PCDH9: variants seen among roughly 807,000 people sequenced by gnomAD.
The protein encoded by PCDH9 is protocadherin 9.
PCDH9 carries 24 observed loss-of-function variants against 70.6 expected under a neutral mutation model. The ratio of observed to expected loss-of-function variants is 0.34; its 90% CI spans 0.25 to 0.48. The LOEUF (loss-of-function observed/expected upper bound fraction) is 0.48, where lower values mean the gene tolerates loss of function less well. PCDH9 is among the 20% of genes least tolerant of loss of function. The probability of loss-of-function intolerance (pLI) is 0.99; values close to 1 mark genes in which losing one functional copy is unlikely to be tolerated. For missense variants in PCDH9, 1,281 were observed against 1,503.6 expected (o/e 0.85, Z 2.45); for synonymous variants, 562 against 558.5 (o/e 1.01, Z -0.09).
chr13:66,974,435 C>A (rs2083579863), intron 2 of PCDH9, among the ~76,000 whole-genome samples: 1 of 151,908 alleles, frequency 6.6e-6, no homozygotes, highest in African/African-American at 2.4e-5. Context: ...CAACTATAGT[C>A]TTGGAATGAG....
intron 3 of PCDH9, among the ~76,000 whole-genome samples, chr13:66,764,698 T>C (rs1263341080): frequency 6.6e-6 from 1 of 151,994 alleles, no homozygotes; most frequent in Non-Finnish European, 1.5e-5. Context: ...TTCAGCGTTA[T>C]ACAAATTAAG....
intron 4 of PCDH9, among the ~76,000 whole-genome samples, chr13:66,466,423 A>G (rs1286479556): frequency 1.3e-5 from 2 of 152,060 alleles, no homozygotes; most frequent in African/African-American, 4.8e-5. Context: ...AAGCCAGTCC[A>G]TAGGGAGAAT....
intron 2 of PCDH9, among the ~76,000 whole-genome samples, chr13:67,012,075 C>T (rs1007350080): frequency 4.0e-5 from 6 of 151,862 alleles, no homozygotes; most frequent in Non-Finnish European, 8.8e-5. Context: ...TCACTTGCTT[C>T]CTGCCTTCCT....
intron 2 of PCDH9, among the ~76,000 whole-genome samples, chr13:67,018,648 C>A (rs1033772236): frequency 1.6e-4 from 23 of 146,386 alleles, no homozygotes; most frequent in African/African-American, 5.5e-4. Context: ...AAAAAAGATA[C>A]AAGGGATAGC....
intron 4 of PCDH9, among the ~76,000 whole-genome samples, chr13:66,400,833 A>T (rs1957171967): frequency 1.3e-5 from 2 of 152,180 alleles, no homozygotes. Context: ...TAAGGAAAAA[A>T]AATAGTCTAG....
At chr13:66,822,136 G>GCA (rs10701113) in intron 3 of PCDH9, among the ~76,000 whole-genome samples, 78,431 of 149,048 alleles carry the variant, frequency 0.53, 20,782 homozygotes, top group East Asian at 0.63. Context: ...TCACACACGC[G>GCA]CACACACACA....
chr13:66,437,717 T>C (rs921234057), intron 4 of PCDH9, among the ~76,000 whole-genome samples: 3 of 152,156 alleles, frequency 2.0e-5, no homozygotes, highest in Non-Finnish European at 2.9e-5. Context: ...ATAGCTACTT[T>C]GGAATTCTGC....
Position 66,507,526 on chromosome 13 carries a change from A to AT in PCDH9, c.3340+123683dup, listed in dbSNP as rs1287356906. Among the ~76,000 whole-genome samples the AT allele has an allele frequency of 1.3e-5, 2 of 151,808 alleles. 1 individual carries two copies. The highest frequency in any genetic ancestry group is 1.3e-4 in the Admixed American group (2 of 15,238). On this transcript the variant is annotated intron_variant, in intron 4 of 4. Transcript: ENST00000377865. ...GTTTGTAGCTGTTGTTTATTGTTTG[A>AT]TTTTTTTGTATGTGTCATGTTTTAG...
Position 67,183,074 on chromosome 13 carries a change from C to A in PCDH9, c.3036+42331G>T, listed in dbSNP as rs73509502. 1.0e-2 allele frequency among the ~76,000 whole-genome samples: 1,522 copies of A among 152,206 alleles called. 28 individuals carry two copies. The highest frequency in any genetic ancestry group is 0.036 in the African/African-American group (1,480 of 41,520). Reference sequence around the variant, plus strand: ...CTATGACTGTTACTACTACTATAGACATTATCAATGATAATAAAATAATCA... The same window carrying A: ...CTATGACTGTTACTACTACTATAGAAATTATCAATGATAATAAAATAATCA... On this transcript the variant is annotated intron_variant, in intron 2 of 4. Transcript: ENST00000377865.
In PCDH9 at chr13:67,227,791, G is replaced by A. The variant is rs939930273; in HGVS notation, c.650C>T (p.Thr217Ile). ...CTCTACTTTGATTTTCATCACATAG[G>A]TATCTTTCTGTTCTCTATCCAAGTT... ...QQNLDREQKD[T>I]YVMKIKVEDG... The change falls in exon 2 of 5, where the codon ACC becomes ATC. Residue 217 changes from threonine to isoleucine, a missense_variant. By Grantham distance (89) the Thr-to-Ile change is moderately conservative. Coordinates refer to ENST00000377865, the MANE Select transcript of PCDH9 (RefSeq NM_203487.3). This position sits in a 1 kb window ranked among gnomAD's most constrained non-coding sequence, Gnocchi z 4.6. 3 of 1,613,488 alleles carry A rather than the reference G, an allele frequency of 1.9e-6. No homozygotes were observed. The highest frequency in any genetic ancestry group is 1.3e-5 in the African/African-American group (1 of 74,876).
At chr13:66,929,561 T>C (rs2082773017) in intron 2 of PCDH9, among the ~76,000 whole-genome samples, 1 of 152,142 alleles carries the variant, frequency 6.6e-6, no homozygotes, top group Non-Finnish European at 1.5e-5. Context: ...AGACCTCAGG[T>C]GATCCACCTG....
At chr13:66,608,748 A>G (rs1002947212) in intron 4 of PCDH9, among the ~76,000 whole-genome samples, 1 of 152,084 alleles carries the variant, frequency 6.6e-6, no homozygotes, top group African/African-American at 2.4e-5. Flanking sequence ...CCGTATCACC[A>G]CAGGACGAAA....
chr13:67,124,275 A>C (rs2086933111), intron 2 of PCDH9, among the ~76,000 whole-genome samples: 1 of 152,172 alleles, frequency 6.6e-6, no homozygotes, highest in East Asian at 1.9e-4. Context: ...AATAAATAAA[A>C]AGATGAAAAC....
chr13:66,960,422 A>G (rs2083327897), intron 2 of PCDH9, among the ~76,000 whole-genome samples: 1 of 152,146 alleles, frequency 6.6e-6, no homozygotes, highest in Non-Finnish European at 1.5e-5. Context: ...TCATTCAGTA[A>G]TTTTGAAAAC....
intron 2 of PCDH9, among the ~76,000 whole-genome samples, chr13:66,986,984 C>G (rs1198816255): frequency 6.6e-6 from 1 of 151,688 alleles, no homozygotes; most frequent in Non-Finnish European, 1.5e-5. Flanking sequence ...ACCTATATCA[C>G]AGATAGAAAA....
chr13:67,184,558 G>A (rs778221083), intron 2 of PCDH9, among the ~76,000 whole-genome samples: 20 of 152,152 alleles, frequency 1.3e-4, no homozygotes, highest in Middle Eastern at 3.4e-3. Flanking sequence ...GTGAAACCCC[G>A]TCTCTATAAA....
chr13:66,308,671 G>T (rs1423138925), intron 4 of PCDH9, among the ~76,000 whole-genome samples: 1 of 151,898 alleles, frequency 6.6e-6, no homozygotes, highest in African/African-American at 2.4e-5. Context: ...TAGGGTTTTA[G>T]GGCTCTCTGA....
chr13:66,495,476 A>G (rs1184061861), intron 4 of PCDH9, among the ~76,000 whole-genome samples: 1 of 152,182 alleles, frequency 6.6e-6, no homozygotes, highest in Non-Finnish European at 1.5e-5. Context: ...GGGACTAGGA[A>G]TAAGTTAGCC....
intron 2 of PCDH9, among the ~76,000 whole-genome samples, chr13:67,138,412 G>C (rs970329201): frequency 6.6e-6 from 1 of 152,106 alleles, no homozygotes; most frequent in Non-Finnish European, 1.5e-5. Flanking sequence ...TTTATTTACA[G>C]TTTGTGCCAC....
Sources: allele counts gnomAD v4.1 joint callset (sites outside exome capture counted in the v4.1 genomes callset), GRCh38; gene constraint gnomAD v4.1.1; non-coding constraint Gnocchi (gnomAD v3.1); transcripts MANE v1.5; gene names NCBI Gene and HGNC (gene_info 2026-07-23, HGNC 2026-07-21).